USP12: variants seen among roughly 807,000 people sequenced by gnomAD.
USP12 encodes ubiquitin carboxyl-terminal hydrolase 12.
In USP12, 19 loss-of-function variants were observed where a neutral mutation model predicts 45.5. That is an observed-to-expected ratio of 0.42 (90% CI 0.29 to 0.61). The LOEUF is 0.61. Ranked by LOEUF, USP12 falls within the 20% of genes least tolerant of loss-of-function variation. The pLI, the probability that USP12 is intolerant of heterozygous loss-of-function variation, is 0.22. For synonymous variants in USP12, 149 were observed against 148.8 expected, an observed-to-expected ratio of 1.00 and a Z score of -0.01; for missense variants, 242 against 447.7, an observed-to-expected ratio of 0.54 and a Z score of 4.15.
At chr13:27,143,202 G>A (rs553200942) in intron 1 of USP12, among the ~76,000 whole-genome samples, 1 of 151,372 alleles carries the variant, frequency 6.6e-6, no homozygotes, top group African/African-American at 2.4e-5. Context: ...AAGAATGATT[G>A]TAATTGATTA....
In USP12 at chr13:27,069,039, ATC is replaced by A; in HGVS notation, c.*242_*243del. 2.0e-6 allele frequency: 1 copy of A among 493,366 alleles called. No homozygotes were observed. Among genetic ancestry groups the A allele is most frequent in the Non-Finnish European group, 3.6e-6 (1 of 280,190 alleles). 30.6% of individuals were successfully genotyped at this position (493,366 alleles called of 1,614,324 possible). ...AGGCTGTTTTAAAAGAGGAGCTGGT[ATC>A]TCTGATTTCACCTCCTTGTTGTATG... On this transcript the variant is annotated 3_prime_UTR_variant, in exon 9 of 9. Coordinates refer to ENST00000282344, the MANE Select transcript of USP12 (RefSeq NM_182488.4).
At position 27,105,875 on chromosome 13, in the gene USP12, CT is replaced by C. The variant is rs768854462; in HGVS notation, c.198del (p.Val67PhefsTer18). The C allele has an allele frequency of 6.2e-7, 1 of 1,613,714 alleles. No homozygotes were observed. Among genetic ancestry groups the C allele is most frequent in the Non-Finnish European group, 8.5e-7 (1 of 1,179,798 alleles). On this transcript the variant is annotated frameshift_variant, in exon 3 of 9. Coordinates refer to ENST00000282344, the MANE Select transcript of USP12 (RefSeq NM_182488.4). LOFTEE classifies it high-confidence loss of function. ...ALYFCRPFRE[K>X]VLAYKSQPRK... ...CTAGGTTGACTCTTATACGCAAGAACTTTTTCCCGAAATGGACGACAAAAAT... is the reference window on the plus strand; with the variant it reads ...CTAGGTTGACTCTTATACGCAAGAACTTTTCCCGAAATGGACGACAAAAAT...
intron 1 of USP12, among the ~76,000 whole-genome samples, chr13:27,138,471 T>C (rs571752923): frequency 8.5e-5 from 13 of 152,332 alleles, no homozygotes; most frequent in South Asian, 6.2e-4. Flanking sequence ...ACACCTTTTA[T>C]AGAGCAAGCT....
intron 1 of USP12, among the ~76,000 whole-genome samples, chr13:27,124,990 G>A (rs1278161906): frequency 6.6e-6 from 1 of 152,188 alleles, no homozygotes; most frequent in Non-Finnish European, 1.5e-5. Context: ...CTGACTACCT[G>A]TGTTCTCTCT....
chr13:27,136,921 C>T (rs1366480479), intron 1 of USP12, among the ~76,000 whole-genome samples: 1 of 152,150 alleles, frequency 6.6e-6, no homozygotes, highest in African/African-American at 2.4e-5. Context: ...GTGTTTTTTG[C>T]GTTAACTAAA....
chr13:27,085,441 A>G (rs903988524), intron 6 of USP12, among the ~76,000 whole-genome samples: 9 of 152,112 alleles, frequency 5.9e-5, no homozygotes, highest in African/African-American at 2.2e-4. Flanking sequence ...TTGGCCTCCC[A>G]AAGTGCTGGG....
intron 1 of USP12, among the ~76,000 whole-genome samples, chr13:27,156,974 A>G: frequency 6.6e-6 from 1 of 152,160 alleles, no homozygotes; most frequent in South Asian, 2.1e-4. Flanking sequence ...AAATCAAATC[A>G]CTGGAGTCTG....
At chr13:27,150,770 G>C (rs1382876143) in intron 1 of USP12, among the ~76,000 whole-genome samples, 1 of 152,124 alleles carries the variant, frequency 6.6e-6, no homozygotes, top group Non-Finnish European at 1.5e-5. Context: ...CTGATCAACT[G>C]GTTTTCAACA....
chr13:27,134,154 T>TTA (rs1248238580), intron 1 of USP12, among the ~76,000 whole-genome samples: 1 of 152,086 alleles, frequency 6.6e-6, no homozygotes, highest in African/African-American at 2.4e-5. Flanking sequence ...AAATAAATGT[T>TTA]TAATTAGTCA....
intron 1 of USP12, among the ~76,000 whole-genome samples, chr13:27,148,879 A>T (rs920796145): frequency 6.6e-6 from 1 of 151,402 alleles, no homozygotes; most frequent in African/African-American, 2.4e-5. Context: ...TTCCTCTCTG[A>T]ATACAATAAA....
intron 3 of USP12, 91 bp from the exon 4 acceptor site, chr13:27,095,921 A>G: frequency 1.1e-6 from 1 of 913,278 alleles, no homozygotes; most frequent in Non-Finnish European, 1.6e-6. Context: ...GTATTGGATC[A>G]GAACTAAAAT....
intron 1 of USP12, among the ~76,000 whole-genome samples, chr13:27,122,091 G>A (rs1051902379): frequency 1.3e-5 from 2 of 150,592 alleles, no homozygotes; most frequent in East Asian, 4.0e-4. Flanking sequence ...GCACTTTGGG[G>A]AGGCTAAGGC....
chr13:27,171,675 G>T lies in USP12; in HGVS notation c.-36C>A. 4 of 1,222,694 alleles carry T rather than the reference G, an allele frequency of 3.3e-6. No individual in the cohort carries two copies. Among genetic ancestry groups the T allele is most frequent in the South Asian group, 1.6e-5 (1 of 64,090 alleles). The allele number at this position is 1,222,694 out of a possible 1,614,324, so 75.7% of individuals were successfully genotyped here. ...CCATCTTCCACCCAATCACAGCGGCGGCGGCGGGCGGGGGAGGAGGGGAGC... is the reference window on the plus strand; with the variant it reads ...CCATCTTCCACCCAATCACAGCGGCTGCGGCGGGCGGGGGAGGAGGGGAGC... On this transcript the variant is annotated 5_prime_UTR_variant, in exon 1 of 9. Coordinates refer to ENST00000282344, the MANE Select transcript of USP12 (RefSeq NM_182488.4).
At chr13:27,160,438 A>T (rs1878052618) in intron 1 of USP12, among the ~76,000 whole-genome samples, 1 of 152,148 alleles carries the variant, frequency 6.6e-6, no homozygotes, top group African/African-American at 2.4e-5. Flanking sequence ...TTGAAAAAAA[A>T]AATGCAATAA....
chr13:27,113,902 C>T (rs190608975), intron 2 of USP12, among the ~76,000 whole-genome samples: 1 of 152,132 alleles, frequency 6.6e-6, no homozygotes, highest in African/African-American at 2.4e-5. Context: ...CTTTATAACC[C>T]AAAAATGGAA....
At chr13:27,108,098 G>A (rs1308320729) in intron 2 of USP12, among the ~76,000 whole-genome samples, 1 of 152,008 alleles carries the variant, frequency 6.6e-6, no homozygotes, top group Non-Finnish European at 1.5e-5. Flanking sequence ...GTTTATTGCG[G>A]CACTATTCAC....
chr13:27,087,672 T>C (rs1874124080), intron 6 of USP12, among the ~76,000 whole-genome samples: 2 of 152,140 alleles, frequency 1.3e-5, no homozygotes, highest in African/African-American at 4.8e-5. Flanking sequence ...CAGGGCTCCT[T>C]GGAGAAATGG....
rs540464972 is a variant in USP12 at position 27,115,541 on chromosome 13, C to A, written c.129+975G>T. Among the ~76,000 whole-genome samples, 888 of 152,194 alleles carry A rather than the reference C, an allele frequency of 5.8e-3. 1 individual carries two copies. Among genetic ancestry groups the A allele is most frequent in the Middle Eastern group, 0.02 (6 of 294 alleles). On this transcript the variant is annotated intron_variant, in intron 2 of 8. Coordinates refer to ENST00000282344, the MANE Select transcript of USP12 (RefSeq NM_182488.4). Reference sequence around the variant, plus strand: ...GTGTTACCTATTTTATCAATATATGCATTTTAAAACACCTGCCATGGATTC... The same window carrying A: ...GTGTTACCTATTTTATCAATATATGAATTTTAAAACACCTGCCATGGATTC...
intron 4 of USP12, among the ~76,000 whole-genome samples, chr13:27,092,165 C>T (rs75817761): frequency 0.045 from 6,851 of 152,212 alleles, 177 homozygotes; most frequent in Admixed American, 0.075. Context: ...ACAAAACACG[C>T]ATGGTATTGA....
Sources: allele counts gnomAD v4.1 joint callset (sites outside exome capture counted in the v4.1 genomes callset), GRCh38; gene constraint gnomAD v4.1.1; transcripts MANE v1.5; gene names NCBI Gene and HGNC (gene_info 2026-07-23, HGNC 2026-07-21).